The following ANKS1B variants were observed in gnomAD, a reference collection of about 807,000 sequenced individuals.
ANKS1B encodes the protein ankyrin repeat and sterile alpha motif domain-containing protein 1B.
In ANKS1B, 36 loss-of-function variants were observed where a neutral mutation model predicts 148.3. The observed-to-expected ratio is 0.24, with a 90% CI of 0.19 to 0.32. The LOEUF is 0.32. ANKS1B is among the 10% of genes least tolerant of loss of function. The probability of loss-of-function intolerance (pLI) is 1.00; values close to 1 mark genes in which losing one functional copy is unlikely to be tolerated. For missense variants in ANKS1B, 1,157 were observed against 1,542.6 expected (o/e 0.75, Z 4.19); for synonymous variants, 542 against 560.8 (o/e 0.97, Z 0.47).
chr12:99,506,304 T>C (rs918737575), intron 9 of ANKS1B, among the ~76,000 whole-genome samples: 2 of 152,032 alleles, frequency 1.3e-5, no homozygotes, highest in African/African-American at 4.8e-5. Context: ...GATAAAGATT[T>C]AGTACGAATT....
At position 99,920,412 on chromosome 12, in the gene ANKS1B, T is replaced by G. The variant is rs1233586261; in HGVS notation, c.134+63692A>C. ...CTGTCTACTAGAAAAAATAAAATTT[T>G]AAACTTGAGGCATTTATTCATATAA... On this transcript the variant is annotated intron_variant, in intron 1 of 26. Coordinates refer to ENST00000683438, the MANE Select transcript of ANKS1B (RefSeq NM_001352186.2). Among the ~76,000 whole-genome samples the G allele has an allele frequency of 2.6e-5, 4 of 151,892 alleles. No individual in the cohort carries two copies. In the East Asian group the frequency reaches 7.7e-4, roughly 29 times the overall value.
chr12:99,533,429 T>C (rs1366275263), intron 9 of ANKS1B, among the ~76,000 whole-genome samples: 1 of 152,066 alleles, frequency 6.6e-6, no homozygotes, highest in Admixed American at 6.6e-5. Context: ...GATCTAGGAG[T>C]CTTTTGGAGG....
chr12:99,095,073 C>G (rs1009195021), intron 15 of ANKS1B, among the ~76,000 whole-genome samples: 1 of 151,916 alleles, frequency 6.6e-6, no homozygotes, highest in East Asian at 1.9e-4. Context: ...TTATTTGAAT[C>G]AAAGAGAAAA....
chr12:99,542,061 T>C (rs969638588), intron 9 of ANKS1B, among the ~76,000 whole-genome samples: 1 of 152,172 alleles, frequency 6.6e-6, no homozygotes, highest in African/African-American at 2.4e-5. Context: ...CTGAAGGTTC[T>C]AGTCAGGGCA....
intron 10 of ANKS1B, among the ~76,000 whole-genome samples, chr12:99,473,476 G>C (rs903837589): frequency 1.3e-5 from 2 of 151,956 alleles, no homozygotes; most frequent in Non-Finnish European, 2.9e-5. Flanking sequence ...TTAATTGATA[G>C]ATAGAAGAGT....
At chr12:98,906,862 T>A (rs1458462514) in intron 17 of ANKS1B, among the ~76,000 whole-genome samples, 1 of 152,204 alleles carries the variant, frequency 6.6e-6, no homozygotes, top group East Asian at 1.9e-4. Context: ...TTTTTCCAGT[T>A]TCATTGAGGT....
chr12:99,472,958 C>T (rs374638088), intron 10 of ANKS1B, among the ~76,000 whole-genome samples: 6 of 152,056 alleles, frequency 3.9e-5, no homozygotes, highest in African/African-American at 1.4e-4. Flanking sequence ...TAATATTCTT[C>T]TAAGAGCATG....
intron 14 of ANKS1B, among the ~76,000 whole-genome samples, chr12:99,183,964 T>A (rs2079464876): frequency 6.6e-6 from 1 of 152,162 alleles, no homozygotes; most frequent in African/African-American, 2.4e-5. Flanking sequence ...AAAATGCAGT[T>A]TCATATAAAT....
chr12:99,294,064 G>C (rs1036304415), intron 12 of ANKS1B, among the ~76,000 whole-genome samples: 1 of 152,090 alleles, frequency 6.6e-6, no homozygotes, highest in African/African-American at 2.4e-5. Context: ...GGGAACCCTC[G>C]TAAACTGTTT....
intron 1 of ANKS1B, among the ~76,000 whole-genome samples, chr12:99,858,245 CA>C: frequency 6.6e-6 from 1 of 152,150 alleles, no homozygotes; most frequent in East Asian, 1.9e-4. Context: ...AGACAATTCT[CA>C]AAAGAAGATA....
chr12:99,089,259 A>C (rs2053207758), intron 15 of ANKS1B, among the ~76,000 whole-genome samples: 1 of 150,724 alleles, frequency 6.6e-6, no homozygotes. Flanking sequence ...ACTACACTGC[A>C]CTCTCAATCT....
intron 17 of ANKS1B, among the ~76,000 whole-genome samples, chr12:99,043,789 C>G (rs1347264370): frequency 6.6e-6 from 1 of 152,216 alleles, no homozygotes; most frequent in Non-Finnish European, 1.5e-5. Context: ...GGCTTATACA[C>G]CATGATGGCT....
chr12:99,116,767 T>C (rs759413829), intron 15 of ANKS1B, among the ~76,000 whole-genome samples: 7 of 152,202 alleles, frequency 4.6e-5, no homozygotes, highest in Non-Finnish European at 7.3e-5. Flanking sequence ...GGGGATAGCA[T>C]TGAATCCATA....
chr12:99,229,244 AAT>A (rs2086441876), intron 14 of ANKS1B, among the ~76,000 whole-genome samples: 1 of 151,874 alleles, frequency 6.6e-6, no homozygotes, highest in Non-Finnish European at 1.5e-5. Flanking sequence ...TTTCTGTGGT[AAT>A]ATATATAGAT....
chr12:99,436,025 G>A (rs7955947), intron 11 of ANKS1B, among the ~76,000 whole-genome samples: 32,194 of 151,030 alleles, frequency 0.21, 3,884 homozygotes, highest in African/African-American at 0.31. Flanking sequence ...TTTCTATTAC[G>A]TCTATCTTTC....
At chr12:99,272,972 C>T (rs192594418) in intron 12 of ANKS1B, among the ~76,000 whole-genome samples, 1 of 152,198 alleles carries the variant, frequency 6.6e-6, no homozygotes, top group Non-Finnish European at 1.5e-5. Flanking sequence ...TAATATTCTC[C>T]CATATATCCA....
At chr12:99,923,425 T>C (rs1351111501) in intron 1 of ANKS1B, among the ~76,000 whole-genome samples, 1 of 152,184 alleles carries the variant, frequency 6.6e-6, no homozygotes, top group Non-Finnish European at 1.5e-5. Flanking sequence ...GATCATTAGA[T>C]GTTTTGGATG....
At chr12:99,364,558 T>C (rs2152441281) in intron 12 of ANKS1B, among the ~76,000 whole-genome samples, 1 of 152,320 alleles carries the variant, frequency 6.6e-6, no homozygotes, top group African/African-American at 2.4e-5. Context: ...CTGTACATAA[T>C]TACTCATGAC....
At chr12:99,532,734 T>C (rs2097013653) in intron 9 of ANKS1B, among the ~76,000 whole-genome samples, 3 of 152,214 alleles carry the variant, frequency 2.0e-5, no homozygotes, top group African/African-American at 7.2e-5. Context: ...TTCATTCTTC[T>C]ATACGTGGCT....
Sources: allele counts gnomAD v4.1 joint callset (sites outside exome capture counted in the v4.1 genomes callset), GRCh38; gene constraint gnomAD v4.1.1; transcripts MANE v1.5; gene names NCBI Gene and HGNC (gene_info 2026-07-23, HGNC 2026-07-21).